Variants in MLIP observed in about 807,000 individuals in gnomAD.
The protein encoded by MLIP is muscular LMNA-interacting protein.
MLIP carries 79 observed loss-of-function variants against 84.8 expected under a neutral mutation model. The observed-to-expected ratio is 0.93, with a 90% CI of 0.78 to 1.12. The LOEUF (loss-of-function observed/expected upper bound fraction) is 1.12. Ranked by LOEUF, MLIP falls within the 50% of genes most tolerant of loss-of-function variation. MLIP has a pLI of 0.00. For missense variants in MLIP, 1,257 were observed against 1,160.6 expected, an observed-to-expected ratio of 1.08 and a Z score of -1.21; for synonymous variants, 504 against 463.0, an observed-to-expected ratio of 1.09 and a Z score of -1.14.
At chr6:54,076,900 A>G (rs904182753) in intron 1 of MLIP, among the ~76,000 whole-genome samples, 2 of 152,150 alleles carry the variant, frequency 1.3e-5, no homozygotes, top group African/African-American at 4.8e-5. Context: ...AAGAAAAAAA[A>G]AGAGACAGAA....
At chr6:54,141,931 G>C (rs904032403) in intron 4 of MLIP, among the ~76,000 whole-genome samples, 2 of 152,148 alleles carry the variant, frequency 1.3e-5, no homozygotes, top group African/African-American at 4.8e-5. Context: ...AACAAGTTGA[G>C]AGCTATTTTA....
intron 1 of MLIP, among the ~76,000 whole-genome samples, chr6:54,086,987 A>G (rs548962680): frequency 5.9e-5 from 9 of 152,172 alleles, no homozygotes; most frequent in Non-Finnish European, 1.0e-4. Flanking sequence ...ATATTATGTA[A>G]CTTATTTTAT....
intron 1 of MLIP, among the ~76,000 whole-genome samples, chr6:54,052,391 A>C (rs892717723): frequency 5.3e-5 from 8 of 152,192 alleles, no homozygotes; most frequent in Non-Finnish European, 1.5e-5. Flanking sequence ...TCAACCATCT[A>C]CTGAGAAAGC....
chr6:54,169,565 C>T lies in MLIP; in HGVS notation c.2537C>T (p.Thr846Ile), dbSNP rs1028022830. 1.3e-6 allele frequency: 2 copies of T among 1,587,750 alleles called. No individual in the cohort carries two copies. Among genetic ancestry groups the T allele is most frequent in the Non-Finnish European group, 1.7e-6 (2 of 1,166,426 alleles). The change falls in exon 9 of 14, where the codon ACC becomes ATC. Residue 846 changes from threonine (T) to isoleucine (I), a missense_variant. By Grantham distance (89) the Thr-to-Ile change is moderately conservative. Transcript: ENST00000502396. ...TTLPRAAGRE[T>I]KYANLSSPSS... Reference sequence around the variant, plus strand: ...CTTCCAAGAGCAGCTGGTCGAGAAACCAAATATGTAAGTACCTTTATAATT... The same window carrying T: ...CTTCCAAGAGCAGCTGGTCGAGAAATCAAATATGTAAGTACCTTTATAATT...
In MLIP at chr6:54,179,520, T is replaced by G. The variant is rs552484897; in HGVS notation, c.2544+9948T>G. Among the ~76,000 whole-genome samples the G allele has an allele frequency of 2.2e-4, 33 of 152,274 alleles. No individual in the cohort carries two copies. In the South Asian group the frequency reaches 6.6e-3, roughly 31 times the overall value. On this transcript the variant is annotated intron_variant, in intron 9 of 13. Transcript: ENST00000502396. Reference sequence around the variant, plus strand: ...CTTTCTTTTCGTGAATGTGATTTTCTCTGGTTGTATGCTTTAATTTTTTGC... The same window carrying G: ...CTTTCTTTTCGTGAATGTGATTTTCGCTGGTTGTATGCTTTAATTTTTTGC...
chr6:54,045,844 A>G (rs1302450281), intron 1 of MLIP: 1 of 152,218 alleles, frequency 6.6e-6, no homozygotes, highest in Non-Finnish European at 1.5e-5. Context: ...CTGTGAGCCA[A>G]TTAAACATCT....
intron 1 of MLIP, among the ~76,000 whole-genome samples, chr6:54,050,071 A>G (rs915059193): frequency 2.6e-5 from 4 of 152,144 alleles, no homozygotes; most frequent in Admixed American, 1.3e-4. Context: ...GTTACAGAAA[A>G]AAAGAACATC....
intron 11 of MLIP, among the ~76,000 whole-genome samples, chr6:54,224,779 T>A (rs1170690246): frequency 5.9e-5 from 9 of 151,980 alleles, no homozygotes; most frequent in Admixed American, 5.9e-4. Flanking sequence ...TGTATCATTC[T>A]TAGGCCTTTG....
chr6:54,095,868 C>G, intron 1 of MLIP, among the ~76,000 whole-genome samples: 1 of 152,010 alleles, frequency 6.6e-6, no homozygotes, highest in South Asian at 2.1e-4. Context: ...AGTTTTCTTC[C>G]TTGGAAGATT....
intron 1 of MLIP, among the ~76,000 whole-genome samples, chr6:54,040,648 A>G (rs1384131344): frequency 6.6e-6 from 1 of 152,044 alleles, no homozygotes; most frequent in African/African-American, 2.4e-5. Flanking sequence ...ATAATAACAA[A>G]TACATAGAAT....
chr6:54,096,112 A>G (rs1768194422), intron 1 of MLIP, among the ~76,000 whole-genome samples: 1 of 152,210 alleles, frequency 6.6e-6, no homozygotes, highest in South Asian at 2.1e-4. Context: ...ATTTGTTCTT[A>G]CAAAGGAACT....
At chr6:54,115,928 G>T (rs533743057) in intron 1 of MLIP, among the ~76,000 whole-genome samples, 2 of 152,142 alleles carry the variant, frequency 1.3e-5, no homozygotes, top group African/African-American at 2.4e-5. Flanking sequence ...AAAGTGAAGG[G>T]AGTATTTTGA....
intron 10 of MLIP, among the ~76,000 whole-genome samples, chr6:54,198,987 T>C (rs1287779190): frequency 6.6e-6 from 1 of 151,970 alleles, no homozygotes; most frequent in Non-Finnish European, 1.5e-5. Context: ...TAACATTAGG[T>C]CCTAAATGTT....
At chr6:54,019,362 C>T (rs1763372932) in intron 1 of MLIP, among the ~76,000 whole-genome samples, 1 of 152,144 alleles carries the variant, frequency 6.6e-6, no homozygotes, top group Non-Finnish European at 1.5e-5. Flanking sequence ...TTTATTTTGA[C>T]CTCTCATTGT....
intron 5 of MLIP, among the ~76,000 whole-genome samples, chr6:54,150,663 T>G (rs1773347640): frequency 6.6e-6 from 1 of 152,206 alleles, no homozygotes; most frequent in Admixed American, 6.5e-5. Flanking sequence ...TCTGCTACTA[T>G]GTAAATTTCC....
At chr6:54,249,710 A>AACACACAC (rs147266668) in intron 12 of MLIP, among the ~76,000 whole-genome samples, 525 of 147,104 alleles carry the variant, frequency 3.6e-3, no homozygotes, top group Middle Eastern at 0.01. Flanking sequence ...GGAAATGAGG[A>AACACACAC]ACACACACAC....
intron 11 of MLIP, among the ~76,000 whole-genome samples, chr6:54,208,688 A>T (rs938253953): frequency 1.3e-5 from 2 of 152,202 alleles, no homozygotes; most frequent in African/African-American, 4.8e-5. Flanking sequence ...TTGAGACAAG[A>T]TTAGCCTGTG....
intron 1 of MLIP, among the ~76,000 whole-genome samples, chr6:54,114,838 A>G (rs1769772161): frequency 6.6e-6 from 1 of 152,194 alleles, no homozygotes; most frequent in Admixed American, 6.5e-5. Flanking sequence ...AAGGCAAAGT[A>G]TTACAGTGAG....
chr6:54,265,437 T>C (rs1300644350), intron 13 of MLIP, among the ~76,000 whole-genome samples: 2 of 152,096 alleles, frequency 1.3e-5, no homozygotes, highest in Non-Finnish European at 2.9e-5. Context: ...ATCAAGCAAA[T>C]CAATATATGA....
Sources: gnomAD v4.1 joint callset for allele counts (sites outside exome capture counted in the v4.1 genomes callset) on GRCh38, gnomAD v4.1.1 for gene constraint, MANE v1.5 for transcripts, NCBI Gene and HGNC (gene_info 2026-07-23, HGNC 2026-07-21) for gene names.